The following HS6ST3 variants were observed in gnomAD, a reference collection of about 807,000 sequenced individuals.
The protein encoded by HS6ST3 is heparan sulfate 6-O-sulfotransferase 3, also known as heparan-sulfate 6-O-sulfotransferase 3.
In HS6ST3, 12 loss-of-function variants were observed where a neutral mutation model predicts 36.7. The ratio of observed to expected loss-of-function variants is 0.33; its 90% CI spans 0.21 to 0.53. The LOEUF (loss-of-function observed/expected upper bound fraction) is 0.53. Ranked by LOEUF, HS6ST3 falls within the 20% of genes least tolerant of loss-of-function variation. The probability of loss-of-function intolerance (pLI) is 0.95; values close to 1 mark genes in which losing one functional copy is unlikely to be tolerated. For missense variants in HS6ST3, 584 were observed against 640.9 expected (o/e 0.91, Z 0.96); for synonymous variants, 240 against 257.5 (o/e 0.93, Z 0.65).
In HS6ST3 at chr13:96,586,031, T is replaced by G. The variant is rs1462613331; in HGVS notation, c.708-246459T>G. Among the ~76,000 whole-genome samples the G allele has an allele frequency of 1.6e-4, 24 of 152,176 alleles. 2 individuals are homozygous for G. Among genetic ancestry groups the G allele is most frequent in the Admixed American group, 1.6e-3 (24 of 15,272 alleles). ...GTATTAATTACATTCCCATCAAAAG[T>G]ATATAAGGGTTTATTTTTTCCCACA... On this transcript the variant is annotated intron_variant, in intron 1 of 1. Transcript: ENST00000376705.
At chr13:96,219,707 G>A (rs1184730561) in intron 1 of HS6ST3, among the ~76,000 whole-genome samples, 5 of 150,880 alleles carry the variant, frequency 3.3e-5, no homozygotes, top group South Asian at 2.1e-4. Context: ...TTTTTGAGAC[G>A]AAGTCTCACT....
rs185338492 is a variant in HS6ST3, at chr13:96,644,681, A to G, written c.708-187809A>G. On this transcript the variant is annotated intron_variant, in intron 1 of 1. Coordinates refer to ENST00000376705, the MANE Select transcript of HS6ST3 (RefSeq NM_153456.4). ...CTTCATAACATGCAGTCCGTGACTC[A>G]AGATAGGATATGAAAATTAATAGCA... 6.6e-5 allele frequency among the ~76,000 whole-genome samples: 10 copies of G among 152,106 alleles called. No homozygotes were observed. In the East Asian group the frequency reaches 1.9e-3, roughly 30 times the overall value.
At chr13:96,746,776 A>G (rs1266663562) in intron 1 of HS6ST3, among the ~76,000 whole-genome samples, 2 of 152,102 alleles carry the variant, frequency 1.3e-5, no homozygotes, top group Admixed American at 6.6e-5. Context: ...ATGGTATTAT[A>G]TCTTTTGATT....
chr13:96,753,517 T>C (rs1335252500), intron 1 of HS6ST3, among the ~76,000 whole-genome samples: 1 of 152,198 alleles, frequency 6.6e-6, no homozygotes, highest in Non-Finnish European at 1.5e-5. Flanking sequence ...TTTATTGTTA[T>C]TGGTGTAAAA....
intron 1 of HS6ST3, among the ~76,000 whole-genome samples, chr13:96,565,382 A>G (rs548712643): frequency 2.0e-5 from 3 of 152,206 alleles, no homozygotes; most frequent in African/African-American, 7.2e-5. Flanking sequence ...TCAGATCCCA[A>G]AATAGGTAGG....
chr13:96,626,401 CCAACTCTGTCAA>C (rs1353045032), intron 1 of HS6ST3, among the ~76,000 whole-genome samples: 1 of 152,138 alleles, frequency 6.6e-6, no homozygotes, highest in Non-Finnish European at 1.5e-5. Context: ...AGTTTTGCAA[CCAACTCTGTCAA>C]TTATGTTTTC....
chr13:96,204,525 C>T (rs2054359929), intron 1 of HS6ST3, among the ~76,000 whole-genome samples: 1 of 152,074 alleles, frequency 6.6e-6, no homozygotes, highest in Non-Finnish European at 1.5e-5. Flanking sequence ...ACTCTCCACC[C>T]AAAAACAACA....
At chr13:96,774,804 G>A (rs1274017896) in intron 1 of HS6ST3, among the ~76,000 whole-genome samples, 2 of 152,008 alleles carry the variant, frequency 1.3e-5, no homozygotes, top group Non-Finnish European at 2.9e-5. Flanking sequence ...AAGACAGGCC[G>A]ACATTCAAAT....
At chr13:96,667,834 A>C (rs973980491) in intron 1 of HS6ST3, among the ~76,000 whole-genome samples, 2 of 152,132 alleles carry the variant, frequency 1.3e-5, no homozygotes, top group Non-Finnish European at 2.9e-5. Context: ...TTCCTCTAGG[A>C]TGGGGGAAAG....
chr13:96,250,391 A>C (rs1174915706), intron 1 of HS6ST3, among the ~76,000 whole-genome samples: 1 of 152,232 alleles, frequency 6.6e-6, no homozygotes, highest in Non-Finnish European at 1.5e-5. Context: ...TGGAGATGAC[A>C]TCACCCTGCA....
At chr13:96,776,839 T>G (rs1877398314) in intron 1 of HS6ST3, among the ~76,000 whole-genome samples, 1 of 152,198 alleles carries the variant, frequency 6.6e-6, no homozygotes, top group Non-Finnish European at 1.5e-5. Flanking sequence ...TAACTCATTT[T>G]GTGAGACCAG....
At chr13:96,366,504 A>C (rs1169676260) in intron 1 of HS6ST3, among the ~76,000 whole-genome samples, 1 of 151,086 alleles carries the variant, frequency 6.6e-6, no homozygotes, top group Non-Finnish European at 1.5e-5. Context: ...GGGATCATGT[A>C]AGGCCCTAGA....
At chr13:96,585,151 A>G (rs1245193419) in intron 1 of HS6ST3, among the ~76,000 whole-genome samples, 1 of 152,202 alleles carries the variant, frequency 6.6e-6, no homozygotes, top group East Asian at 1.9e-4. Flanking sequence ...TTAATGTATT[A>G]ATTGTGATTC....
At chr13:96,285,081 C>T (rs529083500) in intron 1 of HS6ST3, among the ~76,000 whole-genome samples, 1 of 152,124 alleles carries the variant, frequency 6.6e-6, no homozygotes, top group East Asian at 1.9e-4. Flanking sequence ...TAGTCTTGCA[C>T]TTCATCGCTT....
chr13:96,713,164 C>T (rs1275789712), intron 1 of HS6ST3, among the ~76,000 whole-genome samples: 3 of 152,118 alleles, frequency 2.0e-5, no homozygotes, highest in Non-Finnish European at 4.4e-5. Flanking sequence ...TCCCAAGCTA[C>T]AAAGAAGCAT....
chr13:96,544,630 C>A lies in HS6ST3; in HGVS notation c.708-287860C>A, dbSNP rs557311725. Among the ~76,000 whole-genome samples, 3 of 152,282 alleles carry A rather than the reference C, an allele frequency of 2.0e-5. No homozygotes were observed. In the East Asian group the frequency reaches 5.8e-4, roughly 29 times the overall value. On this transcript the variant is annotated intron_variant, in intron 1 of 1. Coordinates refer to ENST00000376705, the MANE Select transcript of HS6ST3 (RefSeq NM_153456.4). ...TATTATTATGATCTTTGTGACAACT[C>A]TTTTTAGTCTTTTTTGACCCACAGT...
At chr13:96,435,804 T>C (rs1390631388) in intron 1 of HS6ST3, among the ~76,000 whole-genome samples, 3 of 41,282 alleles carry the variant, frequency 7.3e-5, no homozygotes, top group Non-Finnish European at 1.2e-4. Context: ...TTATCACTCC[T>C]TTTTTTTTTA....
rs1287954331 is a variant in HS6ST3, at chr13:96,614,318, AAAAAAAAAAAC to A, written c.708-218170_708-218160del. On this transcript the variant is annotated intron_variant, in intron 1 of 1. Coordinates refer to ENST00000376705, the MANE Select transcript of HS6ST3 (RefSeq NM_153456.4). Reference sequence around the variant, plus strand: ...ATCTCAAAAAAAAAAAAAAAAAAAAAAAAAAAAAAACAGTTATTACCAGAGTGCAGCAGAAA... The same window carrying A: ...ATCTCAAAAAAAAAAAAAAAAAAAAAAGTTATTACCAGAGTGCAGCAGAAA... 4.3e-3 allele frequency among the ~76,000 whole-genome samples: 640 copies of A among 149,932 alleles called. 4 individuals are homozygous for A. Among genetic ancestry groups the A allele is most frequent in the African/African-American group, 0.015 (617 of 40,538 alleles).
chr13:96,242,588 G>A (rs2054566100), intron 1 of HS6ST3, among the ~76,000 whole-genome samples: 1 of 151,272 alleles, frequency 6.6e-6, no homozygotes, highest in African/African-American at 2.4e-5. Context: ...AGCCTATTTC[G>A]CTTAGCATAA....
Sources: allele counts gnomAD v4.1 joint callset (sites outside exome capture counted in the v4.1 genomes callset), GRCh38; gene constraint gnomAD v4.1.1; transcripts MANE v1.5; gene names NCBI Gene and HGNC (gene_info 2026-07-23, HGNC 2026-07-21).